Variants in PDZD7 observed in about 807,000 individuals in gnomAD.
PDZD7 encodes the protein PDZ domain-containing protein 7.
In PDZD7, 72 loss-of-function variants were observed where a neutral mutation model predicts 84.7. That is an observed-to-expected ratio of 0.85 (90% CI 0.70 to 1.03). The LOEUF (loss-of-function observed/expected upper bound fraction) is 1.03, where lower values mean the gene tolerates loss of function less well. PDZD7 is among the 50% of genes least tolerant of loss of function. The pLI, the probability that PDZD7 is intolerant of heterozygous loss-of-function variation, is 0.00. For missense variants in PDZD7, 1,490 were observed against 1,412.9 expected (o/e 1.05, Z -0.87); for synonymous variants, 594 against 580.7 (o/e 1.02, Z -0.33).
chr10:101,025,749 G>A (rs944626568), intron 2 of PDZD7, among the ~76,000 whole-genome samples: 17 of 149,452 alleles, frequency 1.1e-4, no homozygotes, highest in South Asian at 4.2e-4. Flanking sequence ...GGGTTTCACC[G>A]TGTTGGCCAG....
chr10:101,019,316 A>T, intron 7 of PDZD7, 99 bp from the exon 8 acceptor site: 1 of 1,459,874 alleles, frequency 6.8e-7, no homozygotes, highest in Non-Finnish European at 9.2e-7. Context: ...AGGCAAGGTC[A>T]GGCAGCAGCC....
rs1013781948 is a variant in PDZD7, at chr10:101,008,443, G to C, written c.*24C>G. 53 of 1,482,538 alleles carry C rather than the reference G, an allele frequency of 3.6e-5. No homozygotes were observed. The highest frequency in any genetic ancestry group is 4.7e-5 in the Non-Finnish European group (52 of 1,118,076). The allele number at this position is 1,482,538 out of a possible 1,614,324, so 91.8% of individuals were successfully genotyped here. ...GATAACGGGATGCTGGAGTCAGTGGGTGAATCTGAGGTTAGGGGGAGGGTC... is the reference window on the plus strand; with the variant it reads ...GATAACGGGATGCTGGAGTCAGTGGCTGAATCTGAGGTTAGGGGGAGGGTC... On this transcript the variant is annotated 3_prime_UTR_variant, in exon 17 of 17. Coordinates refer to ENST00000619208, the MANE Select transcript of PDZD7 (RefSeq NM_001195263.2).
chr10:101,024,170 C>T, intron 2 of PDZD7, 102 bp from the exon 3 acceptor site: 8 of 1,546,370 alleles, frequency 5.2e-6, no homozygotes, highest in South Asian at 3.4e-5. Flanking sequence ...TTGCTGGGCA[C>T]AGTCACACAG....
chr10:101,026,552 C>T (rs1251301215), intron 2 of PDZD7, among the ~76,000 whole-genome samples: 1 of 151,766 alleles, frequency 6.6e-6, no homozygotes, highest in East Asian at 1.9e-4. Context: ...TTGAGGAGGC[C>T]TTCCAGTTAC....
chr10:101,021,640 C>G lies in PDZD7; in HGVS notation c.867+158G>C, dbSNP rs910631794. Among the ~76,000 whole-genome samples the G allele has an allele frequency of 2.0e-5, 3 of 152,194 alleles. No homozygotes were observed. In the South Asian group the frequency reaches 6.2e-4, roughly 32 times the overall value. The stretch of plus-strand genomic sequence containing the variant: ...CGTGAGTTGCTGTGCCTCTCTAAAC[C>G]TGTTTCTTCTTCTTCAAAACAGGGA... On this transcript the variant is annotated intron_variant, in intron 6 of 16. Transcript: ENST00000619208.
At chr10:101,029,899 C>G in intron 2 of PDZD7, 95 bp downstream of exon 2, 3 of 1,308,748 alleles carry the variant, frequency 2.3e-6, no homozygotes, top group Admixed American at 2.0e-5. Flanking sequence ...TTGAATTCCC[C>G]CAATCATACT....
At chr10:101,020,586 C>G in intron 7 of PDZD7, 32 bp downstream of exon 7, 1 of 1,554,024 alleles carries the variant, frequency 6.4e-7, no homozygotes, top group Non-Finnish European at 8.7e-7. Flanking sequence ...TCAGCCCTTT[C>G]CCTCCAACCT....
rs1938055490 is a variant in PDZD7 at position 101,030,374 on chromosome 10, G to C, written c.-155C>G. 1 of 728,154 alleles carries C rather than the reference G, an allele frequency of 1.4e-6. No homozygotes were observed. The highest frequency in any genetic ancestry group is 2.4e-6 in the Non-Finnish European group (1 of 409,210). 45.1% of individuals were successfully genotyped at this position (728,154 alleles called of 1,614,324 possible). A position where few individuals can be genotyped will look rare whatever the true frequency, so the allele number is the denominator to read the frequency against. On this transcript the variant is annotated 5_prime_UTR_variant, in exon 2 of 17. Transcript: ENST00000619208. ...CGCTTGCGATGCCTCTCAGAAGTGT[G>C]AGCTCCAGGCCTGGGCAGGGAGAGC...
rs1369262554 is a variant in PDZD7, at chr10:101,012,229, C to G, written c.1779G>C (p.Leu593=). 2 of 1,550,378 alleles carry G rather than the reference C, an allele frequency of 1.3e-6. No homozygotes were observed. The highest frequency in any genetic ancestry group is 1.7e-6 in the Non-Finnish European group (2 of 1,146,986). The change falls in exon 12 of 17, where the codon CTG becomes CTC. Residue 593 remains leucine (L), a synonymous_variant. Coordinates refer to ENST00000619208, the MANE Select transcript of PDZD7 (RefSeq NM_001195263.2). ...RYVHEGGIED[L]VRPLLAILDR... ...CGAGGATGGCCAGCAGGGGCCTCAC[C>G]AGGTCCTCTATGCCTCCCTCGTGCA...
Position 101,012,213 on chromosome 10 carries a change from C to T in PDZD7, c.1795G>A (p.Ala599Thr), listed in dbSNP as rs1852420590. 9.7e-6 allele frequency: 15 copies of T among 1,550,406 alleles called. No individual in the cohort carries two copies. The highest frequency in any genetic ancestry group is 1.2e-5 in the South Asian group (1 of 84,062). ...GIEDLVRPLL[A>T]ILDRPEKLLL... ...AGCTTCTCCGGCCTGTCGAGGATGG[C>T]CAGCAGGGGCCTCACCAGGTCCTCT... is the stretch of plus-strand genomic sequence containing the variant. The change falls in exon 12 of 17, where the codon GCC (alanine) becomes ACC (threonine). Residue 599 changes from alanine to threonine, a missense_variant. Ala to Thr is a moderately conservative substitution (Grantham distance 58, BLOSUM62 0). Coordinates refer to ENST00000619208, the MANE Select transcript of PDZD7 (RefSeq NM_001195263.2).
chr10:101,017,848 AAAGAAAG>A, intron 9 of PDZD7: 1 of 338,670 alleles, frequency 3.0e-6, no homozygotes, highest in Non-Finnish European at 5.0e-6. Flanking sequence ...GGAAAGAAAG[AAAGAAAG>A]AAAGAAAGAA....
At chr10:101,011,633 C>T in intron 14 of PDZD7, 57 bp downstream of exon 14, 3 of 1,528,484 alleles carry the variant, frequency 2.0e-6, no homozygotes, top group Middle Eastern at 3.4e-4. Context: ...GCCCATCCTC[C>T]TTTCCCTAAT....
chr10:101,018,987 G>A lies in PDZD7; in HGVS notation c.1159C>T (p.Arg387Trp). 6.3e-7 allele frequency: 1 copy of A among 1,582,704 alleles called. No individual in the cohort carries two copies. Among genetic ancestry groups the A allele is most frequent in the Non-Finnish European group, 8.6e-7 (1 of 1,165,804 alleles). The change falls in exon 8 of 17, where the codon CGG (arginine) becomes TGG (tryptophan). Residue 387 changes from arginine (R) to tryptophan (W), a missense_variant. Physicochemically the swap from Arg to Trp is moderately radical, Grantham distance 101. Coordinates refer to ENST00000619208, the MANE Select transcript of PDZD7 (RefSeq NM_001195263.2). ...GGRVETWCSV[R>W]PTVILRDTAI... Reference sequence around the variant, plus strand: ...GTGTCCCTGAGGATGACTGTGGGCCGCACGCTGCACCAGGTCTCCACCCGG... The same window carrying A: ...GTGTCCCTGAGGATGACTGTGGGCCACACGCTGCACCAGGTCTCCACCCGG...
Sources: allele counts gnomAD v4.1 joint callset (sites outside exome capture counted in the v4.1 genomes callset), GRCh38; gene constraint gnomAD v4.1.1; transcripts MANE v1.5; gene names NCBI Gene and HGNC (gene_info 2026-07-23, HGNC 2026-07-21).